The following ELMO1 variants were observed in gnomAD, a reference collection of about 807,000 sequenced individuals.
ELMO1 encodes engulfment and cell motility protein 1.
In ELMO1, 26 loss-of-function variants were observed where a neutral mutation model predicts 98.9. The observed-to-expected ratio is 0.26, with a 90% CI of 0.19 to 0.36. The LOEUF (loss-of-function observed/expected upper bound fraction) is 0.36, where lower values mean the gene tolerates loss of function less well. ELMO1 is among the 10% of genes least tolerant of loss of function. The pLI is 1.00. For synonymous variants in ELMO1, 346 were observed against 346.0 expected (o/e 1.00, Z 0.00); for missense variants, 627 against 935.2 (o/e 0.67, Z 4.30).
intron 16 of ELMO1, chr7:36,998,045 C>T (rs746336124): frequency 1.3e-5 from 2 of 151,164 alleles, no homozygotes; most frequent in Non-Finnish European, 2.9e-5. Flanking sequence ...TGGATAAGAA[C>T]TTGAAAGAGG....
chr7:37,293,984 G>A (rs1009809917), intron 4 of ELMO1, among the ~76,000 whole-genome samples: 4 of 151,980 alleles, frequency 2.6e-5, no homozygotes, highest in Non-Finnish European at 4.4e-5. Flanking sequence ...AGAGTTATCA[G>A]TTGTTACTGC....
intron 4 of ELMO1, among the ~76,000 whole-genome samples, chr7:37,306,374 A>C (rs1287725749): frequency 6.6e-6 from 1 of 152,210 alleles, no homozygotes; most frequent in Non-Finnish European, 1.5e-5. Flanking sequence ...CTTGTGATGC[A>C]CCTTGAACAC....
chr7:37,294,831 C>A (rs1203408415), intron 4 of ELMO1, among the ~76,000 whole-genome samples: 3 of 152,084 alleles, frequency 2.0e-5, no homozygotes, highest in Non-Finnish European at 4.4e-5. Context: ...GAAACCCCTT[C>A]TCTACTACAA....
chr7:36,923,745 A>C (rs1368002913), intron 16 of ELMO1, among the ~76,000 whole-genome samples: 1 of 152,216 alleles, frequency 6.6e-6, no homozygotes, highest in East Asian at 1.9e-4. Context: ...AATTCCAATA[A>C]ATTATGAGAA....
intron 16 of ELMO1, among the ~76,000 whole-genome samples, chr7:36,958,113 C>A (rs1224822118): frequency 6.6e-6 from 1 of 152,182 alleles, no homozygotes; most frequent in African/African-American, 2.4e-5. Context: ...TGTCCATCAC[C>A]CCATTCATGG....
In ELMO1 at chr7:36,854,642, G is replaced by C. The variant is rs935526395; in HGVS notation, c.*909C>G. Reference sequence around the variant, plus strand: ...TGTCTGACAGCTTGACCATCCTGTGGAACTTGAGTTGCAGCAGGACCTCCC... The same window carrying C: ...TGTCTGACAGCTTGACCATCCTGTGCAACTTGAGTTGCAGCAGGACCTCCC... On this transcript the variant is annotated 3_prime_UTR_variant, in exon 22 of 22. Coordinates refer to ENST00000310758, the MANE Select transcript of ELMO1 (RefSeq NM_014800.11). 4 of 152,476 alleles carry C rather than the reference G, an allele frequency of 2.6e-5. No homozygotes were observed. Among genetic ancestry groups the C allele is most frequent in the African/African-American group, 9.7e-5 (4 of 41,400 alleles). 9.4% of individuals were successfully genotyped at this position (152,476 alleles called of 1,614,324 possible).
At chr7:37,121,711 C>A (rs1049534149) in intron 14 of ELMO1, among the ~76,000 whole-genome samples, 1 of 152,212 alleles carries the variant, frequency 6.6e-6, no homozygotes, top group Non-Finnish European at 1.5e-5. Context: ...TACAGGATAT[C>A]ATCCAGGAGA....
intron 14 of ELMO1, among the ~76,000 whole-genome samples, chr7:37,108,574 C>T (rs1052646019): frequency 6.6e-6 from 1 of 152,202 alleles, no homozygotes; most frequent in Non-Finnish European, 1.5e-5. Context: ...AGTGAGTTTT[C>T]TCCCAAGTGA....
chr7:37,321,688 G>A (rs537639236), intron 2 of ELMO1, among the ~76,000 whole-genome samples: 5 of 119,346 alleles, frequency 4.2e-5, no homozygotes, highest in East Asian at 2.7e-4. Flanking sequence ...CTGCACTCTA[G>A]CCTGGGCAAC....
At chr7:37,040,407 C>G (rs1397498748) in intron 15 of ELMO1, among the ~76,000 whole-genome samples, 3 of 152,142 alleles carry the variant, frequency 2.0e-5, no homozygotes, top group Non-Finnish European at 4.4e-5. Flanking sequence ...GCAAGACCAA[C>G]AGAAGAGAAC....
At chr7:37,259,149 C>G (rs767556856) in intron 6 of ELMO1, 32 bp downstream of exon 6, 1 of 1,588,520 alleles carries the variant, frequency 6.3e-7, no homozygotes, top group African/African-American at 1.4e-5. Flanking sequence ...ACACGCAGGA[C>G]AGCTGTGGAA....
chr7:37,355,102 C>T (rs190928280), intron 1 of ELMO1, among the ~76,000 whole-genome samples: 1 of 152,176 alleles, frequency 6.6e-6, no homozygotes, highest in Non-Finnish European at 1.5e-5. Flanking sequence ...CCCGGCCTGA[C>T]GTCCTTATTC....
intron 15 of ELMO1, among the ~76,000 whole-genome samples, chr7:37,032,451 T>C (rs1794932060): frequency 6.6e-6 from 1 of 152,156 alleles, no homozygotes; most frequent in African/African-American, 2.4e-5. Flanking sequence ...CCCTGCCAGT[T>C]GATGGAAAGG....
chr7:36,950,327 C>A (rs1012030518), intron 16 of ELMO1, among the ~76,000 whole-genome samples: 4 of 152,198 alleles, frequency 2.6e-5, no homozygotes, highest in African/African-American at 9.7e-5. Flanking sequence ...TTTTATGTAA[C>A]CAGCCCACCT....
At chr7:36,965,526 A>G (rs2129126029) in intron 16 of ELMO1, among the ~76,000 whole-genome samples, 1 of 152,276 alleles carries the variant, frequency 6.6e-6, no homozygotes, top group Middle Eastern at 3.4e-3. Flanking sequence ...TTTCCCTCAG[A>G]GTTGCCCTTT....
intron 1 of ELMO1, among the ~76,000 whole-genome samples, chr7:37,410,669 T>C (rs1482611882): frequency 1.3e-5 from 2 of 152,186 alleles, no homozygotes; most frequent in African/African-American, 2.4e-5. Context: ...ACTTTCTCCA[T>C]TCAAACAAGG....
chr7:37,436,485 A>G (rs1805148035), intron 1 of ELMO1, among the ~76,000 whole-genome samples: 1 of 152,198 alleles, frequency 6.6e-6, no homozygotes, highest in Admixed American at 6.5e-5. Flanking sequence ...CTTTCAAAGC[A>G]CTAATTTGGA....
intron 11 of ELMO1, among the ~76,000 whole-genome samples, chr7:37,215,601 G>T (rs1009696933): frequency 1.3e-5 from 2 of 152,210 alleles, no homozygotes; most frequent in Non-Finnish European, 2.9e-5. Context: ...GACAACTGGA[G>T]ACAGCCCATA....
intron 16 of ELMO1, among the ~76,000 whole-genome samples, chr7:36,908,621 C>T (rs1387866198): frequency 2.0e-5 from 3 of 151,744 alleles, no homozygotes; most frequent in South Asian, 2.1e-4. Flanking sequence ...CAATCAAAGC[C>T]GGCTTCAAAA....
Sources: gnomAD v4.1 joint callset for allele counts (sites outside exome capture counted in the v4.1 genomes callset) on GRCh38, gnomAD v4.1.1 for gene constraint, MANE v1.5 for transcripts, NCBI Gene and HGNC (gene_info 2026-07-23, HGNC 2026-07-21) for gene names.